Variants in UBE2E2 observed in about 807,000 individuals in gnomAD.
UBE2E2 encodes ubiquitin conjugating enzyme E2 E2, also known as ubiquitin-conjugating enzyme E2 E2.
UBE2E2 carries 6 observed loss-of-function variants against 24.7 expected under a neutral mutation model. The ratio of observed to expected loss-of-function variants is 0.24; its 90% CI spans 0.13 to 0.48. The LOEUF (loss-of-function observed/expected upper bound fraction) is 0.48. Among genes scored for constraint, UBE2E2 ranks in the 20% least tolerant of loss-of-function variants. The pLI, the probability that UBE2E2 is intolerant of heterozygous loss-of-function variation, is 0.99. For missense variants in UBE2E2, 169 were observed against 245.0 expected (o/e 0.69, Z 2.07); for synonymous variants, 104 against 83.6 (o/e 1.24, Z -1.33).
chr3:23,314,180 G>C (rs1694504008), intron 3 of UBE2E2, among the ~76,000 whole-genome samples: 1 of 152,166 alleles, frequency 6.6e-6, no homozygotes, highest in African/African-American at 2.4e-5. Context: ...CCAGGCTGGA[G>C]TGCAGTGGCA....
chr3:23,301,588 A>C (rs1361361725), intron 3 of UBE2E2, among the ~76,000 whole-genome samples: 1 of 152,216 alleles, frequency 6.6e-6, no homozygotes, highest in East Asian at 1.9e-4. Flanking sequence ...CAGTGGCTGC[A>C]GAACAGTGCA....
intron 1 of UBE2E2, 44 bp downstream of exon 1, chr3:23,203,508 C>A: frequency 1.0e-6 from 1 of 974,702 alleles, no homozygotes; most frequent in Non-Finnish European, 1.2e-6. Flanking sequence ...CTCGGGCGTC[C>A]TCCCTCTCGC....
At chr3:23,318,888 A>C (rs777715447) in intron 3 of UBE2E2, among the ~76,000 whole-genome samples, 28 of 152,232 alleles carry the variant, frequency 1.8e-4, no homozygotes, top group Non-Finnish European at 3.1e-4. Flanking sequence ...ATCTGTGTAA[A>C]TAACAATCTG....
intron 3 of UBE2E2, among the ~76,000 whole-genome samples, chr3:23,497,266 G>C (rs1278188085): frequency 3.9e-5 from 6 of 152,144 alleles, no homozygotes; most frequent in Non-Finnish European, 7.4e-5. Context: ...TGGATCCCAT[G>C]GTGTTATTTA....
chr3:23,253,360 A>G (rs1322438596), intron 3 of UBE2E2, among the ~76,000 whole-genome samples: 5 of 152,226 alleles, frequency 3.3e-5, no homozygotes, highest in African/African-American at 9.6e-5. Context: ...TGATAGGTAA[A>G]TGGGCATAGT....
chr3:23,567,319 G>C (rs1314804019), intron 5 of UBE2E2, among the ~76,000 whole-genome samples: 1 of 152,208 alleles, frequency 6.6e-6, no homozygotes, highest in Non-Finnish European at 1.5e-5. Flanking sequence ...AGCACTGTGT[G>C]TGGACAGAAT....
intron 5 of UBE2E2, among the ~76,000 whole-genome samples, chr3:23,549,982 G>A (rs910632469): frequency 6.7e-6 from 1 of 149,440 alleles, no homozygotes. Flanking sequence ...GTAGTAAGAC[G>A]AGATCGCACC....
intron 3 of UBE2E2, among the ~76,000 whole-genome samples, chr3:23,347,131 T>C (rs1575575951): frequency 6.6e-6 from 1 of 152,362 alleles, no homozygotes; most frequent in Non-Finnish European, 1.5e-5. Flanking sequence ...TCAACCATTG[T>C]GGAAGACAGT....
At chr3:23,304,264 A>T (rs990318935) in intron 3 of UBE2E2, among the ~76,000 whole-genome samples, 1 of 152,190 alleles carries the variant, frequency 6.6e-6, no homozygotes, top group Non-Finnish European at 1.5e-5. Flanking sequence ...AATCAAAAAC[A>T]TAGAGACCTT....
Position 23,434,325 on chromosome 3 carries a change from T to C in UBE2E2, c.228-65283T>C, listed in dbSNP as rs139458621. Among the ~76,000 whole-genome samples the C allele has an allele frequency of 1.8e-3, 280 of 152,250 alleles. 2 individuals are homozygous for C. The highest frequency in any genetic ancestry group is 6.6e-3 in the African/African-American group (274 of 41,566). On this transcript the variant is annotated intron_variant, in intron 3 of 5. Coordinates refer to ENST00000396703, the MANE Select transcript of UBE2E2 (RefSeq NM_152653.4). ...CTTACTAACATAACCTGGATTGTGA[T>C]TTATCTCTAATTTTATGACAGTAAT... is the stretch of plus-strand genomic sequence containing the variant.
intron 3 of UBE2E2, among the ~76,000 whole-genome samples, chr3:23,250,463 C>T (rs1475000518): frequency 6.6e-6 from 1 of 152,164 alleles, no homozygotes; most frequent in Non-Finnish European, 1.5e-5. Flanking sequence ...GAACTCACTT[C>T]TAACTTCATA....
chr3:23,374,190 TC>T (rs1418210843), intron 3 of UBE2E2, among the ~76,000 whole-genome samples: 4 of 152,162 alleles, frequency 2.6e-5, no homozygotes, highest in Non-Finnish European at 4.4e-5. Context: ...TTTGTCGTAT[TC>T]CCAGCTCTTT....
intron 3 of UBE2E2, among the ~76,000 whole-genome samples, chr3:23,244,924 A>G (rs1168815939): frequency 1.3e-5 from 2 of 152,142 alleles, no homozygotes; most frequent in Non-Finnish European, 2.9e-5. Context: ...GATTTATTTA[A>G]TTATAGAATA....
intron 3 of UBE2E2, among the ~76,000 whole-genome samples, chr3:23,353,371 G>A (rs1256896965): frequency 6.6e-6 from 1 of 151,984 alleles, no homozygotes; most frequent in East Asian, 1.9e-4. Flanking sequence ...ACATAGTGTT[G>A]GAAGTTCTGG....
chr3:23,454,316 T>C (rs182655351), intron 3 of UBE2E2, among the ~76,000 whole-genome samples: 1 of 152,306 alleles, frequency 6.6e-6, no homozygotes, highest in Admixed American at 6.5e-5. Flanking sequence ...CTTATTATTT[T>C]AAAAGAACAA....
At chr3:23,300,351 G>A (rs957509649) in intron 3 of UBE2E2, among the ~76,000 whole-genome samples, 13 of 152,184 alleles carry the variant, frequency 8.5e-5, no homozygotes, top group Middle Eastern at 3.4e-3. Flanking sequence ...TATTTTGCTC[G>A]ATAGTTGATG....
chr3:23,522,569 C>A (rs1279890625), intron 4 of UBE2E2, among the ~76,000 whole-genome samples: 1 of 151,834 alleles, frequency 6.6e-6, no homozygotes, highest in Non-Finnish European at 1.5e-5. Flanking sequence ...TTTCTGAACC[C>A]CTCCACTTTT....
At chr3:23,323,494 T>C (rs1276919703) in intron 3 of UBE2E2, 2 of 436,250 alleles carry the variant, frequency 4.6e-6, no homozygotes, top group Admixed American at 2.6e-5. Context: ...CAAAACACTT[T>C]GTAATTCACA....
chr3:23,245,570 A>T lies in UBE2E2; in HGVS notation c.227+28258A>T, dbSNP rs186821039. 3.9e-3 allele frequency among the ~76,000 whole-genome samples: 596 copies of T among 152,332 alleles called. 5 individuals carry two copies. Among genetic ancestry groups the T allele is most frequent in the African/African-American group, 0.013 (524 of 41,574 alleles). ...TATTTAAATACTACAACTAAACTTA[A>T]TAAAATATCACAGGCCGTATTTAGA... On this transcript the variant is annotated intron_variant, in intron 3 of 5. Coordinates refer to ENST00000396703, the MANE Select transcript of UBE2E2 (RefSeq NM_152653.4).
Sources: allele counts gnomAD v4.1 joint callset (sites outside exome capture counted in the v4.1 genomes callset), GRCh38; gene constraint gnomAD v4.1.1; transcripts MANE v1.5; gene names NCBI Gene and HGNC (gene_info 2026-07-23, HGNC 2026-07-21).